XDH: variants seen among roughly 807,000 people sequenced by gnomAD.
XDH encodes the protein xanthine dehydrogenase.
Under a neutral mutation model 156.1 loss-of-function variants are expected in XDH, and 138 were observed. That is an observed-to-expected ratio of 0.88 (90% confidence interval 0.77 to 1.02). The LOEUF (loss-of-function observed/expected upper bound fraction) is 1.02. XDH is among the 50% of genes least tolerant of loss of function. XDH has a pLI of 0.00. For synonymous variants in XDH, 669 were observed against 625.7 expected (o/e 1.07, Z -1.03); for missense variants, 1,849 against 1,684.9 (o/e 1.10, Z -1.71).
chr2:31,376,606 T>C (rs1283503025), intron 14 of XDH, among the ~76,000 whole-genome samples: 1 of 149,578 alleles, frequency 6.7e-6, no homozygotes, highest in Non-Finnish European at 1.5e-5. Context: ...GTAATAGTAA[T>C]AACAGCAATA....
intron 7 of XDH, 125 bp downstream of exon 7, chr2:31,388,102 T>A (rs1375408628): frequency 8.6e-7 from 1 of 1,162,528 alleles, no homozygotes; most frequent in East Asian, 2.4e-5. Flanking sequence ...CCCCACAGTC[T>A]GCCATCACCG....
At chr2:31,383,228 G>A in intron 10 of XDH, 76 bp from the exon 11 acceptor site, 1 of 1,605,042 alleles carries the variant, frequency 6.2e-7, no homozygotes, top group Admixed American at 1.7e-5. Flanking sequence ...CTCCTCTGAA[G>A]CTTTCCAGCA....
chr2:31,364,346 T>G lies in XDH; in HGVS notation c.2545-102A>C. ...TCCCACTTATGTCACCTGGAGGAAA[T>G]AAACAGAACACCACATCATCCCGTG... On this transcript the variant is annotated intron_variant, in intron 23 of 35. Coordinates refer to ENST00000379416, the MANE Select transcript of XDH (RefSeq NM_000379.4). The G allele has an allele frequency of 3.5e-6, 4 of 1,131,638 alleles. No individual in the cohort carries two copies. In the Admixed American group the frequency reaches 7.1e-5, roughly 20 times the overall value. 70.1% of individuals were successfully genotyped at this position (1,131,638 alleles called of 1,614,324 possible).
intron 13 of XDH, among the ~76,000 whole-genome samples, chr2:31,377,695 A>T (rs1012366201): frequency 6.6e-6 from 1 of 151,840 alleles, no homozygotes; most frequent in East Asian, 1.9e-4. Flanking sequence ...GCCCTCTCTA[A>T]CCTGCCTCTC....
At chr2:31,359,092 C>T (rs1477587431) in intron 24 of XDH, among the ~76,000 whole-genome samples, 31 of 152,038 alleles carry the variant, frequency 2.0e-4, no homozygotes, top group Admixed American at 2.0e-3. Flanking sequence ...ACTGAAATCA[C>T]AATGAGCTAT....
At chr2:31,355,151 G>A (rs543223766) in intron 24 of XDH, among the ~76,000 whole-genome samples, 6 of 152,240 alleles carry the variant, frequency 3.9e-5, no homozygotes, top group African/African-American at 1.4e-4. Context: ...TGAAAGAAAC[G>A]AACTGTTAAC....
chr2:31,385,884 C>T (rs775143427), intron 9 of XDH, among the ~76,000 whole-genome samples: 8 of 152,150 alleles, frequency 5.3e-5, no homozygotes, highest in South Asian at 2.1e-4. Context: ...GGGTCAAAAG[C>T]GACATTTATG....
At chr2:31,358,834 T>C (rs1237097130) in intron 24 of XDH, among the ~76,000 whole-genome samples, 1 of 152,092 alleles carries the variant, frequency 6.6e-6, no homozygotes, top group Non-Finnish European at 1.5e-5. Flanking sequence ...GGTGAAAGAC[T>C]GGATGTCTTC....
chr2:31,353,787 A>T (rs1418977974), intron 24 of XDH, among the ~76,000 whole-genome samples: 1 of 152,164 alleles, frequency 6.6e-6, no homozygotes, highest in Non-Finnish European at 1.5e-5. Flanking sequence ...ATTCCTACTC[A>T]CACCTGCAAA....
intron 11 of XDH, among the ~76,000 whole-genome samples, chr2:31,382,624 T>A (rs1686468905): frequency 6.6e-6 from 1 of 152,120 alleles, no homozygotes; most frequent in Non-Finnish European, 1.5e-5. Context: ...AATTCTGACT[T>A]CTCCCTAGCA....
At chr2:31,343,987 A>C (rs1284078268) in intron 31 of XDH, among the ~76,000 whole-genome samples, 1 of 152,166 alleles carries the variant, frequency 6.6e-6, no homozygotes, top group Non-Finnish European at 1.5e-5. Context: ...AAAATATTCC[A>C]AATATCTGTG....
At chr2:31,337,567 A>G (rs1684998086) in intron 35 of XDH, 74 bp downstream of exon 35, 1 of 1,609,440 alleles carries the variant, frequency 6.2e-7, no homozygotes. Context: ...TCCTCTGTGC[A>G]GAACCTTCCC....
intron 6 of XDH, among the ~76,000 whole-genome samples, chr2:31,394,542 C>A (rs545799970): frequency 4.1e-4 from 62 of 152,150 alleles, no homozygotes; most frequent in African/African-American, 1.4e-3. Context: ...GGTTTGTGTT[C>A]TCTGAATTTC....
At chr2:31,409,502 C>T (rs953592919) in intron 1 of XDH, among the ~76,000 whole-genome samples, 13 of 152,082 alleles carry the variant, frequency 8.5e-5, no homozygotes, top group African/African-American at 2.9e-4. Context: ...GTAAATGTTG[C>T]AATGAGCCAT....
At position 31,334,601 on chromosome 2, in the gene XDH, T is replaced by C. The variant is rs754551169; in HGVS notation, c.*1357A>G. On this transcript the variant is annotated 3_prime_UTR_variant, in exon 36 of 36. Coordinates refer to ENST00000379416, the MANE Select transcript of XDH (RefSeq NM_000379.4). ...GAGTTCATTAGACCCAGGTATCATA[T>C]GACAGTAAGAAAACCAAGCCTTAGA... is the stretch of plus-strand genomic sequence containing the variant. 2.6e-5 allele frequency: 4 copies of C among 152,230 alleles called. No individual in the cohort carries two copies. Among genetic ancestry groups the C allele is most frequent in the Non-Finnish European group, 5.9e-5 (4 of 68,044 alleles). The allele number at this position is 152,230 out of a possible 1,614,324, so 9.4% of individuals were successfully genotyped here.
chr2:31,403,199 G>C, intron 2 of XDH, 55 bp from the exon 3 acceptor site: 2 of 1,581,270 alleles, frequency 1.3e-6, no homozygotes, highest in Non-Finnish European at 1.7e-6. Context: ...CTGCTGGGTT[G>C]CTAGGAAATG....
chr2:31,355,868 T>C lies in XDH; in HGVS notation c.2632-5645A>G, dbSNP rs1310563755. Among the ~76,000 whole-genome samples, 7 of 152,280 alleles carry C rather than the reference T, an allele frequency of 4.6e-5. No homozygotes were observed. The East Asian group carries it at 1.3e-3, about 29-fold the overall frequency. On this transcript the variant is annotated intron_variant, in intron 24 of 35. Coordinates refer to ENST00000379416, the MANE Select transcript of XDH (RefSeq NM_000379.4). ...AAACATGACCCAATTACATACTGTC[T>C]TCAAGAAAATCACTTCAAATATAAT...
intron 35 of XDH, among the ~76,000 whole-genome samples, chr2:31,337,126 G>T (rs1022283149): frequency 3.3e-5 from 5 of 152,064 alleles, no homozygotes; most frequent in South Asian, 2.1e-4. Flanking sequence ...GGAATCATCT[G>T]GTTTCCCAAG....
chr2:31,355,486 A>C (rs989717151), intron 24 of XDH, among the ~76,000 whole-genome samples: 4 of 152,122 alleles, frequency 2.6e-5, no homozygotes, highest in African/African-American at 9.6e-5. Flanking sequence ...AATAAAAATA[A>C]TATAAATGGG....
Sources: gnomAD v4.1 joint callset for allele counts (sites outside exome capture counted in the v4.1 genomes callset) on GRCh38, gnomAD v4.1.1 for gene constraint, MANE v1.5 for transcripts, NCBI Gene and HGNC (gene_info 2026-07-23, HGNC 2026-07-21) for gene names.